BICC1: variants seen among roughly 807,000 people sequenced by gnomAD.
The protein encoded by BICC1 is BicC family RNA binding protein 1.
In BICC1, 43 loss-of-function variants were observed where a neutral mutation model predicts 111.0. The observed-to-expected ratio is 0.39, with a 90% confidence interval of 0.30 to 0.50. The LOEUF is 0.50. Ranked by LOEUF, BICC1 falls within the 20% of genes least tolerant of loss-of-function variation. BICC1 has a pLI of 0.88. For missense variants in BICC1, 1,091 were observed against 1,203.2 expected (o/e 0.91, Z 1.38); for synonymous variants, 467 against 434.4 (o/e 1.07, Z -0.93).
chr10:58,617,438 A>G (rs2132126263), intron 1 of BICC1, among the ~76,000 whole-genome samples: 1 of 152,170 alleles, frequency 6.6e-6, no homozygotes, highest in East Asian at 1.9e-4. Context: ...CAGAGTTGCA[A>G]GAGGTCTTGG....
chr10:58,711,781 CA>C (rs1305697697), intron 3 of BICC1, among the ~76,000 whole-genome samples: 1 of 148,480 alleles, frequency 6.7e-6, no homozygotes, highest in Non-Finnish European at 1.5e-5. Flanking sequence ...CCTAAATAAG[CA>C]AATATATCTG....
At chr10:58,808,802 A>G (rs1028027326) in intron 17 of BICC1, among the ~76,000 whole-genome samples, 2 of 150,512 alleles carry the variant, frequency 1.3e-5, no homozygotes, top group South Asian at 2.1e-4. Flanking sequence ...GGCAACCACC[A>G]TCTCCTGGGT....
intron 1 of BICC1, among the ~76,000 whole-genome samples, chr10:58,584,416 A>G (rs1844374035): frequency 6.6e-6 from 1 of 152,008 alleles, no homozygotes; most frequent in Non-Finnish European, 1.5e-5. Flanking sequence ...GCCTCCTACT[A>G]AACTCTGGGA....
intron 1 of BICC1, among the ~76,000 whole-genome samples, chr10:58,549,200 G>A (rs184435616): frequency 2.6e-5 from 4 of 151,682 alleles, no homozygotes; most frequent in East Asian, 3.9e-4. Context: ...ACAACAGTTC[G>A]TTTATACACT....
intron 2 of BICC1, among the ~76,000 whole-genome samples, chr10:58,627,013 A>C (rs1440010559): frequency 6.6e-6 from 1 of 152,188 alleles, no homozygotes; most frequent in Non-Finnish European, 1.5e-5. Flanking sequence ...GAGGCAGGAG[A>C]ATCGCTTGAA....
intron 1 of BICC1, among the ~76,000 whole-genome samples, chr10:58,589,435 C>G (rs1844532557): frequency 6.7e-6 from 1 of 150,320 alleles, no homozygotes; most frequent in South Asian, 2.1e-4. Context: ...GCTAATAATT[C>G]TTAGTTATTA....
intron 2 of BICC1, among the ~76,000 whole-genome samples, chr10:58,690,256 C>T (rs1364223951): frequency 2.0e-5 from 3 of 152,258 alleles, no homozygotes; most frequent in South Asian, 2.1e-4. Flanking sequence ...CTTTCAGTTG[C>T]GTGGGCATGT....
At chr10:58,675,880 C>A (rs1397365469) in intron 2 of BICC1, among the ~76,000 whole-genome samples, 1 of 152,226 alleles carries the variant, frequency 6.6e-6, no homozygotes, top group Non-Finnish European at 1.5e-5. Flanking sequence ...GTCTGCAGCT[C>A]CCAGAGAGAC....
intron 2 of BICC1, among the ~76,000 whole-genome samples, chr10:58,640,456 T>G (rs1838089934): frequency 6.6e-6 from 1 of 152,236 alleles, no homozygotes; most frequent in Admixed American, 6.5e-5. Flanking sequence ...GTGTTATAAC[T>G]TAAGTTAGAT....
chr10:58,631,881 A>G (rs1588951033), intron 2 of BICC1, among the ~76,000 whole-genome samples: 1 of 152,220 alleles, frequency 6.6e-6, no homozygotes, highest in African/African-American at 2.4e-5. Context: ...TGTTTTCTTA[A>G]ATAGAACTTC....
intron 3 of BICC1, among the ~76,000 whole-genome samples, chr10:58,732,637 C>T (rs1196536188): frequency 2.0e-5 from 3 of 151,280 alleles, no homozygotes; most frequent in South Asian, 2.1e-4. Flanking sequence ...GAAAATTAGC[C>T]GTGTGTAGTG....
At chr10:58,772,722 CAAG>C (rs1564605332) in intron 3 of BICC1, among the ~76,000 whole-genome samples, 1 of 152,076 alleles carries the variant, frequency 6.6e-6, no homozygotes, top group Non-Finnish European at 1.5e-5. Flanking sequence ...TTTACAGGCC[CAAG>C]AAGATAATCA....
intron 3 of BICC1, among the ~76,000 whole-genome samples, chr10:58,738,884 C>T (rs528696980): frequency 8.6e-5 from 13 of 151,492 alleles, no homozygotes; most frequent in Admixed American, 2.6e-4. Flanking sequence ...ATTTGGCTCT[C>T]TGTCTGTTAT....
chr10:58,587,360 C>G (rs1844464834), intron 1 of BICC1, among the ~76,000 whole-genome samples: 1 of 152,172 alleles, frequency 6.6e-6, no homozygotes. Flanking sequence ...TACATTACAT[C>G]TGTCCATTTG....
At chr10:58,698,547 G>A (rs1840134162) in intron 2 of BICC1, among the ~76,000 whole-genome samples, 1 of 152,086 alleles carries the variant, frequency 6.6e-6, no homozygotes, top group Admixed American at 6.6e-5. Context: ...ATATTGCACT[G>A]CCCCATTCTG....
intron 3 of BICC1, among the ~76,000 whole-genome samples, chr10:58,777,428 C>G (rs114767350): frequency 6.6e-6 from 1 of 152,168 alleles, no homozygotes; most frequent in Non-Finnish European, 1.5e-5. Context: ...AAAGCTCTTA[C>G]TTATCTTCCA....
At chr10:58,625,365 C>T (rs1845957111) in intron 2 of BICC1, among the ~76,000 whole-genome samples, 1 of 152,154 alleles carries the variant, frequency 6.6e-6, no homozygotes, top group Admixed American at 6.5e-5. Flanking sequence ...TTGTATTACA[C>T]ATGTGACTCA....
Position 58,803,236 on chromosome 10 carries a change from C to T in BICC1, c.2175C>T (p.Asn725=). 2 of 1,595,126 alleles carry T rather than the reference C, an allele frequency of 1.3e-6. No homozygotes were observed. Among genetic ancestry groups the T allele is most frequent in the Non-Finnish European group, 1.7e-6 (2 of 1,170,484 alleles). The part of the protein sequence containing the change: ...AHLAPRSSYV[N]MQAFDYEQKK... ...TTGCTCCACGGTCATCATATGTCAACATGCAGGTAATGGTAATAAAATAGG... is the reference window on the plus strand; with the variant it reads ...TTGCTCCACGGTCATCATATGTCAATATGCAGGTAATGGTAATAAAATAGG... Residue 725 remains asparagine (N), a synonymous_variant, in exon 15 of 21, where the codon AAC becomes AAT. Transcript: ENST00000373886.
At chr10:58,686,803 T>C (rs1839744335) in intron 2 of BICC1, among the ~76,000 whole-genome samples, 1 of 152,234 alleles carries the variant, frequency 6.6e-6, no homozygotes, top group South Asian at 2.1e-4. Flanking sequence ...TTCTTTGCGA[T>C]GGGTTCGAAC....
Sources: allele counts gnomAD v4.1 joint callset (sites outside exome capture counted in the v4.1 genomes callset), GRCh38; gene constraint gnomAD v4.1.1; transcripts MANE v1.5; gene names NCBI Gene and HGNC (gene_info 2026-07-23, HGNC 2026-07-21).